FGF14: variants seen among roughly 807,000 people sequenced by gnomAD.
FGF14 encodes fibroblast growth factor 14, also known as fibroblast growth factor homologous factor 4.
A neutral mutation model predicts 25.5 loss-of-function variants in FGF14; 5 were observed. That is an observed-to-expected ratio of 0.20 (90% CI 0.10 to 0.41). The LOEUF (loss-of-function observed/expected upper bound fraction) is 0.41. Ranked by LOEUF, FGF14 falls within the 10% of genes least tolerant of loss-of-function variation. The pLI, the probability that FGF14 is intolerant of heterozygous loss-of-function variation, is 1.00. For missense variants in FGF14, 222 were observed against 320.1 expected (o/e 0.69, Z 2.34); for synonymous variants, 138 against 118.3 (o/e 1.17, Z -1.08).
In FGF14 at chr13:102,104,834, A is replaced by G. The variant is rs988166201; in HGVS notation, c.209-229538T>C. ...TTAGGAGAAGAGGAGCTACCTGGTAAAATTTCAGCAGCCACTGGCATGAAG... is the reference window on the plus strand; with the variant it reads ...TTAGGAGAAGAGGAGCTACCTGGTAGAATTTCAGCAGCCACTGGCATGAAG... On this transcript the variant is annotated intron_variant, in intron 1 of 4. Transcript: ENST00000376131. Among the ~76,000 whole-genome samples, 8 of 152,224 alleles carry G rather than the reference A, an allele frequency of 5.3e-5. No individual in the cohort carries two copies. In the East Asian group the frequency reaches 1.5e-3, roughly 29 times the overall value.
At chr13:101,920,173 A>G (rs763471285), upstream of FGF14, among the ~76,000 whole-genome samples, 3 of 152,236 alleles carry the variant, frequency 2.0e-5, no homozygotes, top group Non-Finnish European at 4.4e-5. Flanking sequence ...GTGAAAACCA[A>G]TTCAGGGCCG....
At chr13:102,308,483 G>A (rs776143886) in intron 1 of FGF14, among the ~76,000 whole-genome samples, 1 of 152,036 alleles carries the variant, frequency 6.6e-6, no homozygotes, top group Non-Finnish European at 1.5e-5. Context: ...GTAACACCAC[G>A]GCCCTAAAGA....
chr13:101,902,634 A>C (rs1187891215), intron 1 of FGF14, among the ~76,000 whole-genome samples: 2 of 152,212 alleles, frequency 1.3e-5, no homozygotes, highest in East Asian at 3.8e-4. Flanking sequence ...TGCAAGCGCC[A>C]GTAAGTGCAG....
chr13:101,976,234 C>A (rs549137762), intron 1 of FGF14, among the ~76,000 whole-genome samples: 15 of 152,018 alleles, frequency 9.9e-5, no homozygotes, highest in African/African-American at 3.6e-4. Flanking sequence ...CAATTCATAG[C>A]GCTATTAATG....
intron 1 of FGF14, among the ~76,000 whole-genome samples, chr13:102,376,628 T>G (rs2058047482): frequency 6.6e-6 from 1 of 152,110 alleles, no homozygotes; most frequent in African/African-American, 2.4e-5. Flanking sequence ...CCATTGCCTC[T>G]CCTGGAAAAA....
At position 102,276,365 on chromosome 13, in the gene FGF14, A is replaced by G. The variant is rs1184753329; in HGVS notation, c.208+125106T>C. On this transcript the variant is annotated intron_variant, in intron 1 of 4. Coordinates refer to the FGF14 transcript ENST00000376131. ...TGTGTGTGTGTGTGTATATATATAT[A>G]TATATATATATATATACACATTATT... Among the ~76,000 whole-genome samples the G allele has an allele frequency of 1.7e-3, 235 of 140,556 alleles. 1 individual carries two copies. The highest frequency in any genetic ancestry group is 2.3e-3 in the East Asian group (11 of 4,792). The allele number at this position is 140,556 out of a possible 152,430, so 92.2% of individuals were successfully genotyped here.
At chr13:101,742,233 G>C (rs1436825208) in intron 3 of FGF14, among the ~76,000 whole-genome samples, 15 of 152,142 alleles carry the variant, frequency 9.9e-5, no homozygotes, top group Non-Finnish European at 2.9e-5. Context: ...TTAAAACCTA[G>C]ATGACTGGTT....
At chr13:102,240,681 T>C (rs539978842) in intron 1 of FGF14, among the ~76,000 whole-genome samples, 1 of 152,162 alleles carries the variant, frequency 6.6e-6, no homozygotes, top group Non-Finnish European at 1.5e-5. Context: ...ATACCTACCA[T>C]TTAAAAATGA....
chr13:102,214,066 G>A (rs1226827479), intron 1 of FGF14, among the ~76,000 whole-genome samples: 1 of 152,188 alleles, frequency 6.6e-6, no homozygotes, highest in Non-Finnish European at 1.5e-5. Flanking sequence ...AGCAAGCATC[G>A]AGTCCCTCCG....
intron 1 of FGF14, among the ~76,000 whole-genome samples, chr13:101,902,283 T>C (rs2031664247): frequency 1.3e-5 from 2 of 152,142 alleles, no homozygotes; most frequent in Non-Finnish European, 2.9e-5. Flanking sequence ...TCTGTCCTTA[T>C]GCTCTTTCTC....
At chr13:102,398,897 A>AAT (rs35865466) in intron 1 of FGF14, among the ~76,000 whole-genome samples, 20,697 of 147,190 alleles carry the variant, frequency 0.14, 1,555 homozygotes, top group East Asian at 0.19. Flanking sequence ...TATAATATAT[A>AAT]ATATATATAT....
chr13:101,722,836 T>TTGTC lies in FGF14; in HGVS notation c.735_738dup (p.Thr247AspfsTer11). ...CAACACCTGTGAGGATCTGGCTATG[T>TTGTC]TGTCTTACTCTTGTTGACTGGTTTG... On this transcript the variant is annotated frameshift_variant, in exon 5 of 5. Transcript: ENST00000376143. LOFTEE classifies it high-confidence loss of function. 1 of 1,613,268 alleles carries TTGTC rather than the reference T, an allele frequency of 6.2e-7. No individual in the cohort carries two copies. Among genetic ancestry groups the TTGTC allele is most frequent in the East Asian group, 2.2e-5 (1 of 44,848 alleles).
intron 3 of FGF14, among the ~76,000 whole-genome samples, chr13:101,783,953 G>C (rs972652282): frequency 6.6e-6 from 1 of 152,102 alleles, no homozygotes; most frequent in Non-Finnish European, 1.5e-5. Context: ...TTTCCCCATT[G>C]CTTTTTTGTT....
At chr13:102,098,534 T>G (rs553333689) in intron 1 of FGF14, among the ~76,000 whole-genome samples, 92 of 152,370 alleles carry the variant, frequency 6.0e-4, no homozygotes, top group Middle Eastern at 3.4e-3. Flanking sequence ...TGTTAAAATA[T>G]TTATACAAAT....
At chr13:101,950,658 C>G (rs1295914939) in intron 1 of FGF14, among the ~76,000 whole-genome samples, 1 of 151,940 alleles carries the variant, frequency 6.6e-6, no homozygotes, top group Non-Finnish European at 1.5e-5. Context: ...AAGGGAAAAG[C>G]TAGTTAAGCC....
chr13:101,874,061 C>G (rs982724475), intron 2 of FGF14, among the ~76,000 whole-genome samples: 5 of 151,648 alleles, frequency 3.3e-5, no homozygotes, highest in African/African-American at 1.2e-4. Context: ...AACACGATGG[C>G]TGGAAAAATA....
At chr13:102,294,399 G>C (rs17505500) in intron 1 of FGF14, among the ~76,000 whole-genome samples, 3,599 of 146,966 alleles carry the variant, frequency 0.024, 55 homozygotes, top group South Asian at 0.042. Flanking sequence ...CTTTTTTCTA[G>C]AAGACTGTTT....
At chr13:102,129,661 G>C (rs1198855253) in intron 1 of FGF14, among the ~76,000 whole-genome samples, 1 of 152,034 alleles carries the variant, frequency 6.6e-6, no homozygotes, top group Admixed American at 6.6e-5. Context: ...CACAGGAAGG[G>C]GAACATCACA....
chr13:102,048,569 CAAATCCAGAATT>C (rs2042091023), intron 1 of FGF14, among the ~76,000 whole-genome samples: 1 of 152,118 alleles, frequency 6.6e-6, no homozygotes, highest in Admixed American at 6.5e-5. Flanking sequence ...CTTCCAGTTC[CAAATCCAGAATT>C]AAGTTTCCAC....
Sources: allele counts gnomAD v4.1 joint callset (sites outside exome capture counted in the v4.1 genomes callset), GRCh38; gene constraint gnomAD v4.1.1; transcripts MANE v1.5; gene names NCBI Gene and HGNC (gene_info 2026-07-23, HGNC 2026-07-21).